DSCAM: variants seen among roughly 807,000 people sequenced by gnomAD.
DSCAM encodes the protein cell adhesion molecule DSCAM.
In DSCAM, 47 loss-of-function variants were observed where a neutral mutation model predicts 217.7. That is an observed-to-expected ratio of 0.22 (90% confidence interval 0.17 to 0.28). The LOEUF (loss-of-function observed/expected upper bound fraction) is 0.28, where lower values mean the gene tolerates loss of function less well. DSCAM is among the 10% of genes least tolerant of loss of function. The pLI is 1.00. For synonymous variants in DSCAM, 1,056 were observed against 1,015.3 expected (o/e 1.04, Z -0.76); for missense variants, 2,080 against 2,618.3 (o/e 0.79, Z 4.49).
At chr21:40,121,475 C>T (rs1033142555) in intron 20 of DSCAM, among the ~76,000 whole-genome samples, 6 of 152,178 alleles carry the variant, frequency 3.9e-5, no homozygotes, top group African/African-American at 1.4e-4. Flanking sequence ...TAGTTCACTT[C>T]ACTTCAATTA....
At chr21:40,565,614 C>G (rs1277272334) in intron 3 of DSCAM, among the ~76,000 whole-genome samples, 1 of 152,126 alleles carries the variant, frequency 6.6e-6, no homozygotes, top group Non-Finnish European at 1.5e-5. Flanking sequence ...CATCAGCACC[C>G]ACATGTTCAC....
intron 1 of DSCAM, among the ~76,000 whole-genome samples, chr21:40,761,520 G>A (rs567673262): frequency 1.1e-4 from 16 of 152,084 alleles, no homozygotes; most frequent in African/African-American, 3.9e-4. Flanking sequence ...AGAGAGGACT[G>A]GAACAGATCT....
chr21:40,282,382 T>A (rs1442267896), intron 10 of DSCAM, among the ~76,000 whole-genome samples: 1 of 150,246 alleles, frequency 6.7e-6, no homozygotes, highest in Non-Finnish European at 1.5e-5. Context: ...GGTCAGGAGG[T>A]CGAGACCATC....
At chr21:40,195,426 A>C (rs546278653) in intron 11 of DSCAM, among the ~76,000 whole-genome samples, 1 of 152,366 alleles carries the variant, frequency 6.6e-6, no homozygotes, top group African/African-American at 2.4e-5. Context: ...GATTCCTGTC[A>C]CAAGCATCTG....
At chr21:40,075,364 A>G (rs2146546499) in intron 26 of DSCAM, 151 bp from the exon 27 acceptor site, 1 of 845,690 alleles carries the variant, frequency 1.2e-6, no homozygotes, top group East Asian at 2.7e-5. Flanking sequence ...GGCCCTGGCT[A>G]ACTTTTTTTC....
intron 1 of DSCAM, among the ~76,000 whole-genome samples, chr21:40,805,617 T>C (rs2091779222): frequency 6.6e-6 from 1 of 152,068 alleles, no homozygotes; most frequent in African/African-American, 2.4e-5. Context: ...AAGTCCATCA[T>C]CACACAGCCC....
chr21:40,574,169 AC>A (rs1207355081), intron 3 of DSCAM, among the ~76,000 whole-genome samples: 1 of 152,154 alleles, frequency 6.6e-6, no homozygotes, highest in Non-Finnish European at 1.5e-5. Context: ...CCTACAAAAA[AC>A]ATTATAAGTT....
At chr21:40,487,324 T>TGAGAGAGA (rs751088270) in intron 3 of DSCAM, among the ~76,000 whole-genome samples, 60 of 76,108 alleles carry the variant, frequency 7.9e-4, no homozygotes, top group Non-Finnish European at 1.5e-3. Flanking sequence ...TGTGTGTGTG[T>TGAGAGAGA]GTGAGAGAGA....
intron 10 of DSCAM, among the ~76,000 whole-genome samples, chr21:40,289,976 A>G (rs1444386386): frequency 6.6e-6 from 1 of 152,228 alleles, no homozygotes; most frequent in Non-Finnish European, 1.5e-5. Flanking sequence ...GAGAAAAAAT[A>G]TAAACTCACA....
rs72114529 is a variant in DSCAM, at chr21:40,637,632, A to AATATAT, written c.508+55172_508+55177dup. ...ATATATATAAATATATACATATATA[A>AATATAT]ATATATATAAATATATATCTATATA... On this transcript the variant is annotated intron_variant, in intron 3 of 32. Coordinates refer to ENST00000400454, the MANE Select transcript of DSCAM (RefSeq NM_001389.5). Among the ~76,000 whole-genome samples the AATATAT allele has an allele frequency of 1.9e-3, 81 of 42,220 alleles. 1 individual carries two copies. Among genetic ancestry groups the AATATAT allele is most frequent in the Admixed American group, 6.6e-3 (14 of 2,136 alleles). The allele number at this position is 42,220 out of a possible 152,430, so 27.7% of individuals were successfully genotyped here. A position where few individuals can be genotyped will look rare whatever the true frequency, so the allele number is the denominator to read the frequency against.
At chr21:40,502,497 G>A (rs1361252073) in intron 3 of DSCAM, among the ~76,000 whole-genome samples, 4 of 152,116 alleles carry the variant, frequency 2.6e-5, no homozygotes, top group Non-Finnish European at 4.4e-5. Context: ...TTGGCAGGCC[G>A]TCTTCTTTCT....
chr21:40,582,814 C>T (rs1276011021), intron 3 of DSCAM, among the ~76,000 whole-genome samples: 1 of 152,114 alleles, frequency 6.6e-6, no homozygotes, highest in Non-Finnish European at 1.5e-5. Flanking sequence ...TATTTGGAAA[C>T]ACTAAGTGAA....
At chr21:40,531,627 C>G (rs1010796981) in intron 3 of DSCAM, among the ~76,000 whole-genome samples, 4 of 152,236 alleles carry the variant, frequency 2.6e-5, no homozygotes, top group Admixed American at 6.5e-5. Context: ...GAGCTCTCAG[C>G]TCAGCCTTAA....
intron 1 of DSCAM, among the ~76,000 whole-genome samples, chr21:40,730,198 A>T (rs2090998941): frequency 6.6e-6 from 1 of 152,182 alleles, no homozygotes; most frequent in Admixed American, 6.5e-5. Flanking sequence ...AGAGTCCATT[A>T]TTCCACATTG....
intron 3 of DSCAM, among the ~76,000 whole-genome samples, chr21:40,646,201 G>C (rs894889662): frequency 5.9e-5 from 9 of 152,134 alleles, no homozygotes; most frequent in African/African-American, 1.9e-4. Context: ...TGGATCATGA[G>C]ATCAAGAGAT....
intron 11 of DSCAM, among the ~76,000 whole-genome samples, chr21:40,249,440 C>T (rs570793064): frequency 4.1e-4 from 63 of 152,280 alleles, no homozygotes; most frequent in African/African-American, 1.5e-3. Context: ...CCTTTTGCCT[C>T]CCACCATGAT....
In DSCAM at chr21:40,402,212, G is replaced by A. The variant is rs374871863; in HGVS notation, c.509-32967C>T. Among the ~76,000 whole-genome samples the A allele has an allele frequency of 6.8e-4, 102 of 150,556 alleles. 2 individuals carry two copies. In the South Asian group the frequency reaches 0.02, roughly 29 times the overall value. On this transcript the variant is annotated intron_variant, in intron 3 of 32. Coordinates refer to ENST00000400454, the MANE Select transcript of DSCAM (RefSeq NM_001389.5). ...GTAGCTGGGACTACAGACTACAGGCGCCCGCCACCACGCCCGGCTAATTTT... is the reference window on the plus strand; with the variant it reads ...GTAGCTGGGACTACAGACTACAGGCACCCGCCACCACGCCCGGCTAATTTT...
At position 40,432,435 on chromosome 21, in the gene DSCAM, T is replaced by C. The variant is rs2075543621; in HGVS notation, c.509-63190A>G. Among the ~76,000 whole-genome samples, 3 of 152,116 alleles carry C rather than the reference T, an allele frequency of 2.0e-5. No homozygotes were observed. In the South Asian group the frequency reaches 6.2e-4, roughly 32 times the overall value. On this transcript the variant is annotated intron_variant, in intron 3 of 32. Transcript: ENST00000400454. ...CCTCCCACTTCGGCCCTCCAGCCTC[T>C]GTCTTATGAGGACCCTTGGGGTTAC... is the stretch of plus-strand genomic sequence containing the variant.
intron 3 of DSCAM, among the ~76,000 whole-genome samples, chr21:40,417,577 T>A (rs2075384238): frequency 6.6e-6 from 1 of 152,128 alleles, no homozygotes; most frequent in Non-Finnish European, 1.5e-5. Context: ...TACAGAGCCA[T>A]GTATATGTCC....
Sources: allele counts gnomAD v4.1 joint callset (sites outside exome capture counted in the v4.1 genomes callset), GRCh38; gene constraint gnomAD v4.1.1; transcripts MANE v1.5; gene names NCBI Gene and HGNC (gene_info 2026-07-23, HGNC 2026-07-21).